Variants in TULP4 observed in about 807,000 individuals in gnomAD.
TULP4 encodes tubby-related protein 4.
A neutral mutation model predicts 129.0 loss-of-function variants in TULP4; 16 were observed. The observed-to-expected ratio is 0.12, with a 90% CI of 0.08 to 0.19. TULP4 has a LOEUF of 0.19. Among genes scored for constraint, TULP4 ranks in the 10% least tolerant of loss-of-function variants. The pLI is 1.00. For synonymous variants in TULP4, 998 were observed against 854.0 expected (o/e 1.17, Z -2.94); for missense variants, 1,842 against 2,059.1 (o/e 0.89, Z 2.04).
chr6:158,284,921 A>C (rs974427646), intron 1 of TULP4, among the ~76,000 whole-genome samples: 8 of 152,200 alleles, frequency 5.3e-5, no homozygotes, highest in Non-Finnish European at 1.0e-4. Flanking sequence ...TGAAAGGTTA[A>C]CCAGCATGTT....
At chr6:158,293,236 C>T (rs1316805701) in intron 1 of TULP4, among the ~76,000 whole-genome samples, 1 of 152,220 alleles carries the variant, frequency 6.6e-6, no homozygotes, top group Non-Finnish European at 1.5e-5. Flanking sequence ...ATTCTCTGAA[C>T]TTGGCAGTGG....
Position 158,502,677 on chromosome 6 carries a change from C to T in TULP4, c.3014C>T (p.Pro1005Leu), listed in dbSNP as rs561517481. ...AAGATGGCCCAGCTGGCCGACAGCC[C>T]GCGGGCCCCCCTGCAGCCCCTGGCC... Reference protein sequence around the residue: ...TLKMAQLADSPRAPLQPLAKS... With the variant: ...TLKMAQLADSLRAPLQPLAKS... The change falls in exon 13 of 14, where the codon CCG (proline) becomes CTG (leucine). Residue 1005 changes from proline (P) to leucine (L), a missense_variant. Around this residue, in one of 5 missense-constraint regions of TULP4, gnomAD observed 1,089 missense variants for 987.1 expected, o/e 1.10. Coordinates refer to ENST00000367097, the MANE Select transcript of TULP4 (RefSeq NM_020245.5). 142 of 1,558,336 alleles carry T rather than the reference C, an allele frequency of 9.1e-5. 1 individual carries two copies. Among genetic ancestry groups the T allele is most frequent in the East Asian group, 1.4e-4 (6 of 44,336 alleles).
rs1365844641 is a variant in TULP4, at chr6:158,502,870, C to T, written c.3207C>T (p.Ser1069=). 1 of 1,613,902 alleles carries T rather than the reference C, an allele frequency of 6.2e-7. No individual in the cohort carries two copies. Residue 1069 remains serine (S), a synonymous_variant, in exon 13 of 14, where the codon AGC becomes AGT. Transcript: ENST00000367097. ...CGTTGGCCTCCCAGTCCTCCTACAG[C>T]CTCCTGAGCCCACCCGACAGCGCCC... ...ASPLASQSSY[S]LLSPPDSARD... is the part of the protein sequence containing the mutation.
chr6:158,357,173 A>G (rs956624033), intron 1 of TULP4, among the ~76,000 whole-genome samples: 5 of 152,094 alleles, frequency 3.3e-5, no homozygotes, highest in Non-Finnish European at 5.9e-5. Context: ...TGGATATGCT[A>G]TTGCTAGGAG....
At chr6:158,423,514 A>G (rs1444287855) in intron 2 of TULP4, among the ~76,000 whole-genome samples, 2 of 152,232 alleles carry the variant, frequency 1.3e-5, no homozygotes, top group African/African-American at 4.8e-5. Context: ...TCATTATACT[A>G]TGTATTCATG....
intron 11 of TULP4, among the ~76,000 whole-genome samples, chr6:158,495,512 C>A (rs1780317013): frequency 6.6e-6 from 1 of 152,122 alleles, no homozygotes; most frequent in East Asian, 1.9e-4. Flanking sequence ...TGGTAAACTC[C>A]TGAAGAAAGT....
At chr6:158,433,344 T>G (rs1778673437) in intron 3 of TULP4, among the ~76,000 whole-genome samples, 1 of 152,348 alleles carries the variant, frequency 6.6e-6, no homozygotes, top group Admixed American at 6.5e-5. Flanking sequence ...TAACATATTC[T>G]TTACTCTGAA....
rs749910397 is a variant in TULP4, at chr6:158,502,277, C to T, written c.2614C>T (p.Leu872Phe). 6.2e-7 allele frequency: 1 copy of T among 1,612,184 alleles called. No homozygotes were observed. The highest frequency in any genetic ancestry group is 1.7e-5 in the Admixed American group (1 of 59,928). Reference protein sequence around the residue: ...DVCLKKGDFSLYPTSVHYQTP... With the variant: ...DVCLKKGDFSFYPTSVHYQTP... ...GTGCTTGAAGAAGGGCGACTTCTCC[C>T]TCTACCCCACGTCAGTGCACTACCA... The change falls in exon 13 of 14, where the codon CTC (leucine) becomes TTC (phenylalanine). Residue 872 changes from leucine to phenylalanine, a missense_variant. By Grantham distance (22) the Leu-to-Phe change is conservative (BLOSUM62 0). Coordinates refer to ENST00000367097, the MANE Select transcript of TULP4 (RefSeq NM_020245.5).
rs78634854 is a variant in TULP4 at position 158,401,781 on chromosome 6, C to T, written c.253-11284C>T. Among the ~76,000 whole-genome samples, 557 of 151,966 alleles carry T rather than the reference C, an allele frequency of 3.7e-3. 3 individuals carry two copies. The highest frequency in any genetic ancestry group is 0.013 in the African/African-American group (528 of 41,422). On this transcript the variant is annotated intron_variant, in intron 1 of 13. Coordinates refer to ENST00000367097, the MANE Select transcript of TULP4 (RefSeq NM_020245.5). ...AGCTCTGTACTTTTGGAATTGCTCT[C>T]TAGTAGATGGATACAACACCTCCTC...
At chr6:158,467,310 G>A (rs1022430506) in intron 6 of TULP4, among the ~76,000 whole-genome samples, 8 of 136,526 alleles carry the variant, frequency 5.9e-5, no homozygotes, top group Admixed American at 4.2e-4. Flanking sequence ...ACAGAGTTTC[G>A]CTCTTGTTGC....
Position 158,506,799 on chromosome 6 carries a change from C to G in TULP4, c.*105C>G, listed in dbSNP as rs1780614396. ...GTCCGATGCCTGGGAGGACCAGAAGCCAACAGCAAAACTGGAAAAGCCCGG... is the reference window on the plus strand; with the variant it reads ...GTCCGATGCCTGGGAGGACCAGAAGGCAACAGCAAAACTGGAAAAGCCCGG... On this transcript the variant is annotated 3_prime_UTR_variant, in exon 14 of 14. Transcript: ENST00000367097. The G allele has an allele frequency of 1.3e-6, 1 of 776,710 alleles. No homozygotes were observed. The highest frequency in any genetic ancestry group is 2.5e-5 in the East Asian group (1 of 40,096). The allele number at this position is 776,710 out of a possible 1,614,324, so 48.1% of individuals were successfully genotyped here. A position where few individuals can be genotyped will look rare whatever the true frequency, so the allele number is the denominator to read the frequency against.
chr6:158,285,185 AT>A (rs1021363965), intron 1 of TULP4, among the ~76,000 whole-genome samples: 3 of 152,080 alleles, frequency 2.0e-5, no homozygotes, highest in Admixed American at 6.5e-5. Context: ...CAGATTTTGT[AT>A]TTTTATGTTA....
intron 1 of TULP4, among the ~76,000 whole-genome samples, chr6:158,299,491 A>G (rs1263099875): frequency 6.6e-6 from 1 of 152,198 alleles, no homozygotes; most frequent in Non-Finnish European, 1.5e-5. Context: ...TTTGTCTTAA[A>G]GGAGAAAGGG....
intron 1 of TULP4, among the ~76,000 whole-genome samples, chr6:158,271,695 G>C (rs1583693120): frequency 6.6e-6 from 1 of 152,280 alleles, no homozygotes; most frequent in South Asian, 2.1e-4. Flanking sequence ...TTCCCAAAGT[G>C]CTGGGATTAC....
intron 8 of TULP4, among the ~76,000 whole-genome samples, chr6:158,483,572 G>T (rs1369938718): frequency 6.6e-6 from 1 of 151,992 alleles, no homozygotes; most frequent in Non-Finnish European, 1.5e-5. Flanking sequence ...GTAGTCCTCC[G>T]CCTTGGCCTC....
upstream of TULP4, among the ~76,000 whole-genome samples, chr6:158,278,349 T>G (rs948774404): frequency 1.3e-5 from 2 of 152,166 alleles, no homozygotes; most frequent in Non-Finnish European, 2.9e-5. Flanking sequence ...GTAGTGCATT[T>G]TGTAGTGTTT....
chr6:158,237,380 T>C, intron 1 of TULP4: 1 of 1,612,514 alleles, frequency 6.2e-7, no homozygotes, highest in Non-Finnish European at 8.5e-7. Flanking sequence ...TGTTGCTGTT[T>C]CTTTTTTGTT....
At chr6:158,250,656 G>A (rs1254556453) in intron 1 of TULP4, among the ~76,000 whole-genome samples, 5 of 152,140 alleles carry the variant, frequency 3.3e-5, no homozygotes, top group Non-Finnish European at 7.4e-5. Flanking sequence ...TTTGTTTTCT[G>A]TGTTTCGCAA....
intron 3 of TULP4, among the ~76,000 whole-genome samples, chr6:158,439,204 G>T (rs897298440): frequency 1.2e-4 from 19 of 152,002 alleles, no homozygotes; most frequent in African/African-American, 4.6e-4. Context: ...CCGATATTTG[G>T]TGTATAAATA....
Sources: gnomAD v4.1 joint callset for allele counts (sites outside exome capture counted in the v4.1 genomes callset) on GRCh38, gnomAD v4.1.1 for gene constraint, gnomAD v4.1.1 regional missense constraint, MANE v1.5 for transcripts, NCBI Gene and HGNC (gene_info 2026-07-23, HGNC 2026-07-21) for gene names.